Variants in DPP10 observed in about 807,000 individuals in gnomAD.
The protein encoded by DPP10 is inactive dipeptidyl peptidase 10.
In DPP10, 33 loss-of-function variants were observed where a neutral mutation model predicts 120.9. That is an observed-to-expected ratio of 0.27 (90% CI 0.21 to 0.37). The LOEUF (loss-of-function observed/expected upper bound fraction) is 0.37, where lower values mean the gene tolerates loss of function less well. DPP10 is among the 10% of genes least tolerant of loss of function. DPP10 has a pLI of 1.00. For missense variants in DPP10, 816 were observed against 942.8 expected, an observed-to-expected ratio of 0.87 and a Z score of 1.76; for synonymous variants, 337 against 326.1, an observed-to-expected ratio of 1.03 and a Z score of -0.36.
chr2:114,572,000 T>G (rs921152002), intron 1 of DPP10, among the ~76,000 whole-genome samples: 3 of 149,430 alleles, frequency 2.0e-5, no homozygotes, highest in Admixed American at 1.3e-4. Flanking sequence ...AATACAATAT[T>G]TATACCACAT....
At chr2:114,656,491 A>G (rs1315098156) in intron 1 of DPP10, among the ~76,000 whole-genome samples, 1 of 152,214 alleles carries the variant, frequency 6.6e-6, no homozygotes, top group Non-Finnish European at 1.5e-5. Context: ...AAACTATTTT[A>G]TAACAGTATC....
At chr2:114,588,031 T>C (rs917608307) in intron 1 of DPP10, among the ~76,000 whole-genome samples, 2 of 152,268 alleles carry the variant, frequency 1.3e-5, no homozygotes, top group East Asian at 1.9e-4. Flanking sequence ...CCAGGTGTTT[T>C]AGAAGCTGCG....
At chr2:114,660,524 T>A (rs531666935) in intron 1 of DPP10, among the ~76,000 whole-genome samples, 1 of 152,224 alleles carries the variant, frequency 6.6e-6, no homozygotes, top group African/African-American at 2.4e-5. Flanking sequence ...CTTGTTCAAG[T>A]GTTTTATAGG....
intron 1 of DPP10, among the ~76,000 whole-genome samples, chr2:114,619,405 G>T (rs1183624592): frequency 6.6e-6 from 1 of 151,622 alleles, no homozygotes; most frequent in African/African-American, 2.4e-5. Flanking sequence ...GTGTGTGTGT[G>T]TGTGTGTACA....
At chr2:114,884,931 C>A (rs1349276015) in intron 1 of DPP10, among the ~76,000 whole-genome samples, 1 of 152,098 alleles carries the variant, frequency 6.6e-6, no homozygotes, top group African/African-American at 2.4e-5. Context: ...ACCTGGGTGA[C>A]CATTGCTCAT....
At chr2:115,534,341 A>G (rs1469851805) in intron 5 of DPP10, among the ~76,000 whole-genome samples, 3 of 151,680 alleles carry the variant, frequency 2.0e-5, no homozygotes, top group Non-Finnish European at 4.4e-5. Flanking sequence ...ATTCCCACCT[A>G]TGAGTGAGAA....
At position 115,685,067 on chromosome 2, in the gene DPP10, A is replaced by G. The variant is rs75790415; in HGVS notation, c.442-4620A>G. The stretch of plus-strand genomic sequence containing the variant: ...TTGGTTCAGATTGTGACTGTTTCCT[A>G]CTTAAACTTTCAGTTTTAAAATTGA... On this transcript the variant is annotated intron_variant, in intron 5 of 25. Transcript: ENST00000410059. Among the ~76,000 whole-genome samples, 504 of 152,070 alleles carry G rather than the reference A, an allele frequency of 3.3e-3. 1 individual carries two copies. The highest frequency in any genetic ancestry group is 0.01 in the Middle Eastern group (3 of 294).
chr2:114,459,075 C>CA (rs1378669400), intron 1 of DPP10, among the ~76,000 whole-genome samples: 2 of 152,176 alleles, frequency 1.3e-5, no homozygotes, highest in African/African-American at 4.8e-5. Context: ...TTGCTACAAT[C>CA]ATCAATTAAG....
intron 1 of DPP10, among the ~76,000 whole-genome samples, chr2:114,838,742 G>A (rs377542079): frequency 3.3e-5 from 5 of 152,152 alleles, no homozygotes; most frequent in African/African-American, 4.8e-5. Flanking sequence ...GGGTTACCAT[G>A]GGGGCATTCT....
chr2:115,607,745 G>A (rs1007656924), intron 5 of DPP10, among the ~76,000 whole-genome samples: 3 of 152,246 alleles, frequency 2.0e-5, no homozygotes, highest in Non-Finnish European at 4.4e-5. Context: ...GGTCCAAGAT[G>A]TATGTCCTTG....
At chr2:115,644,654 C>T (rs1430339948) in intron 5 of DPP10, among the ~76,000 whole-genome samples, 1 of 151,312 alleles carries the variant, frequency 6.6e-6, no homozygotes, top group Non-Finnish European at 1.5e-5. Flanking sequence ...GTGGCGTGCA[C>T]CACCTGTAGT....
intron 3 of DPP10, among the ~76,000 whole-genome samples, chr2:115,493,177 T>A (rs931335880): frequency 1.3e-5 from 2 of 152,064 alleles, no homozygotes; most frequent in African/African-American, 4.8e-5. Flanking sequence ...TTGATTGGGC[T>A]GTGTAATGGT....
At chr2:115,386,280 A>G (rs1343634924) in intron 3 of DPP10, among the ~76,000 whole-genome samples, 1 of 152,162 alleles carries the variant, frequency 6.6e-6, no homozygotes, top group Admixed American at 6.5e-5. Context: ...AATTTTCTTT[A>G]TCTTGTATCC....
intron 5 of DPP10, among the ~76,000 whole-genome samples, chr2:115,657,717 G>A (rs781216452): frequency 1.3e-5 from 2 of 151,720 alleles, no homozygotes; most frequent in African/African-American, 2.4e-5. Context: ...GCATCATCAC[G>A]CAATTTTAAA....
intron 3 of DPP10, among the ~76,000 whole-genome samples, chr2:115,403,513 C>T (rs531478973): frequency 6.6e-6 from 1 of 151,470 alleles, no homozygotes; most frequent in South Asian, 2.1e-4. Flanking sequence ...GATTCTCCTG[C>T]CTCAGCCTCC....
chr2:114,877,588 C>T (rs181628811), intron 1 of DPP10, among the ~76,000 whole-genome samples: 22 of 152,188 alleles, frequency 1.4e-4, no homozygotes, highest in Admixed American at 9.2e-4. Flanking sequence ...CAGTGAACGG[C>T]GGACACACAC....
At chr2:115,752,511 T>A (rs1206840128) in intron 10 of DPP10, among the ~76,000 whole-genome samples, 1 of 152,158 alleles carries the variant, frequency 6.6e-6, no homozygotes, top group East Asian at 1.9e-4. Flanking sequence ...TCATTTCTTG[T>A]TTAAAAATGT....
At chr2:114,609,580 C>A (rs963574068) in intron 1 of DPP10, among the ~76,000 whole-genome samples, 2 of 152,088 alleles carry the variant, frequency 1.3e-5, no homozygotes, top group African/African-American at 4.8e-5. Flanking sequence ...TTACTGTTTT[C>A]TTTGTTTTAC....
At chr2:114,482,547 G>A (rs934585966) in intron 1 of DPP10, among the ~76,000 whole-genome samples, 21 of 152,224 alleles carry the variant, frequency 1.4e-4, no homozygotes, top group African/African-American at 5.1e-4. Context: ...CTGGACCAAA[G>A]TCAGCAGATT....
Sources: allele counts gnomAD v4.1 joint callset (sites outside exome capture counted in the v4.1 genomes callset), GRCh38; gene constraint gnomAD v4.1.1; transcripts MANE v1.5; gene names NCBI Gene and HGNC (gene_info 2026-07-23, HGNC 2026-07-21).